The following AKT2 variants were observed in gnomAD, a reference collection of about 807,000 sequenced individuals.
The protein encoded by AKT2 is RAC-beta serine/threonine-protein kinase.
AKT2 carries 16 observed loss-of-function variants against 58.6 expected under a neutral mutation model. The observed-to-expected ratio is 0.27, with a 90% CI of 0.18 to 0.41. The LOEUF (loss-of-function observed/expected upper bound fraction) is 0.41. Ranked by LOEUF, AKT2 falls within the 10% of genes least tolerant of loss-of-function variation. AKT2 has a pLI of 1.00. For missense variants in AKT2, 438 were observed against 661.0 expected (o/e 0.66, Z 3.70); for synonymous variants, 253 against 254.0 (o/e 1.00, Z 0.04).
chr19:40,275,024 A>C, intron 1 of AKT2: 1 of 455,894 alleles, frequency 2.2e-6, no homozygotes, highest in Non-Finnish European at 4.4e-6. Flanking sequence ...TGGGCTCACC[A>C]CCTGCCTCAC....
In AKT2 at chr19:40,232,746, G is replaced by A. The variant is rs1030895516; in HGVS notation, c.*1126C>T. ...AACACACATGCACACACACCCACGT[G>A]TGCCTGCGTCCCGCCGACACACGCA... On this transcript the variant is annotated 3_prime_UTR_variant, in exon 14 of 14. Transcript: ENST00000392038. The A allele has an allele frequency of 8.6e-6, 2 of 233,492 alleles. No homozygotes were observed. The highest frequency in any genetic ancestry group is 1.2e-3 in the Middle Eastern group (1 of 810). The allele number at this position is 233,492 out of a possible 1,614,324, so 14.5% of individuals were successfully genotyped here. A position where few individuals can be genotyped will look rare whatever the true frequency, so the allele number is the denominator to read the frequency against.
Position 40,234,537 on chromosome 19 carries a change from C to A in AKT2, c.1366+508G>T. 3.2e-6 allele frequency: 1 copy of A among 310,766 alleles called. No individual in the cohort carries two copies. The highest frequency in any genetic ancestry group is 5.8e-5 in the East Asian group (1 of 17,106). The allele number at this position is 310,766 out of a possible 1,614,324, so 19.3% of individuals were successfully genotyped here. On this transcript the variant is annotated intron_variant, in intron 13 of 13. Coordinates refer to ENST00000392038, the MANE Select transcript of AKT2 (RefSeq NM_001626.6). The surrounding 1 kb of genome is among the most constrained non-coding windows in gnomAD (Gnocchi z 4.7). ...ACACGTCATTCCTCCGGCCAGCTGA[C>A]ACGTTTGCTTCCTCCTCTAGAAAGC...
intron 4 of AKT2, among the ~76,000 whole-genome samples, chr19:40,247,073 G>A (rs866589579): frequency 4.6e-5 from 7 of 152,200 alleles, no homozygotes; most frequent in African/African-American, 1.4e-4. Context: ...ACTGGGGCTC[G>A]CCTGCTGCCT....
chr19:40,241,785 G>C (rs995770528), intron 6 of AKT2, 153 bp downstream of exon 6: 3 of 1,173,474 alleles, frequency 2.6e-6, no homozygotes, highest in Non-Finnish European at 3.6e-6. Flanking sequence ...CTCCTCTCTG[G>C]GCCTCAGGCT....
chr19:40,275,937 G>A (rs1421866708), intron 1 of AKT2, among the ~76,000 whole-genome samples: 2 of 151,452 alleles, frequency 1.3e-5, no homozygotes, highest in African/African-American at 2.4e-5. Context: ...GCTTGAACCC[G>A]GGAGGCGGCG....
chr19:40,256,803 A>G, intron 3 of AKT2, 123 bp downstream of exon 3: 3 of 1,474,516 alleles, frequency 2.0e-6, no homozygotes, highest in Non-Finnish European at 2.8e-6. Context: ...GGGTGAAAAC[A>G]GATCCAAGGG....
chr19:40,262,357 C>G (rs1192478409), intron 2 of AKT2, among the ~76,000 whole-genome samples: 25 of 152,194 alleles, frequency 1.6e-4, no homozygotes, highest in Admixed American at 1.6e-3. Context: ...TTTGCCCAAC[C>G]TTCCCAGCTG....
At position 40,257,029 on chromosome 19, in the gene AKT2, T is replaced by C; in HGVS notation, c.72A>G (p.Pro24=). 1 of 1,614,176 alleles carries C rather than the reference T, an allele frequency of 6.2e-7. No individual in the cohort carries two copies. Among genetic ancestry groups the C allele is most frequent in the African/African-American group, 1.3e-5 (1 of 75,056 alleles). The change falls in exon 3 of 14, where the codon CCA becomes CCG. Residue 24 remains proline, a synonymous_variant. Coordinates refer to ENST00000392038, the MANE Select transcript of AKT2 (RefSeq NM_001626.6). ...KRGEYIKTWR[P]RYFLLKSDGS... The stretch of plus-strand genomic sequence containing the variant: ...CGTCGCTCTTCAGCAGGAAGTACCG[T>C]GGCCTCCAGGTCTTGATGTATTCAC...
At chr19:40,249,624 T>C (rs182676710) in intron 4 of AKT2, among the ~76,000 whole-genome samples, 403 of 152,316 alleles carry the variant, frequency 2.6e-3, no homozygotes, top group Non-Finnish European at 4.4e-3. Flanking sequence ...CTCCCCGACC[T>C]AGAGGGGCAT....
chr19:40,255,311 GCCCTGCTAGCCTGCAGC>G (rs765680378), intron 3 of AKT2, 42 bp from the exon 4 acceptor site: 1 of 1,536,084 alleles, frequency 6.5e-7, no homozygotes, highest in Non-Finnish European at 9.0e-7. Context: ...TGAGGGGATA[GCCCTGCTAGCCTGCAGC>G]CCAAAGTGCC....
At chr19:40,261,339 C>T (rs1446190101) in intron 2 of AKT2, among the ~76,000 whole-genome samples, 2 of 152,034 alleles carry the variant, frequency 1.3e-5, no homozygotes, top group African/African-American at 4.8e-5. Flanking sequence ...TCAAGACCAG[C>T]CTGGCCAACA....
At chr19:40,246,671 G>A (rs867104355) in intron 4 of AKT2, among the ~76,000 whole-genome samples, 1 of 152,298 alleles carries the variant, frequency 6.6e-6, no homozygotes, top group South Asian at 2.1e-4. Context: ...CAAAGACAGG[G>A]GTGGAGAGAA....
In AKT2 at chr19:40,261,856, A is replaced by G. The variant is rs1975984821; in HGVS notation, c.46+3366T>C. Reference sequence around the variant, plus strand: ...ATTGTGATATACTAAAGGCCAATGAATCATACACTTCAAAATGGTTAATCT... The same window carrying G: ...ATTGTGATATACTAAAGGCCAATGAGTCATACACTTCAAAATGGTTAATCT... On this transcript the variant is annotated intron_variant, in intron 2 of 13. Coordinates refer to ENST00000392038, the MANE Select transcript of AKT2 (RefSeq NM_001626.6). 2.0e-5 allele frequency among the ~76,000 whole-genome samples: 3 copies of G among 152,150 alleles called. No homozygotes were observed. In the South Asian group the frequency reaches 6.2e-4, roughly 32 times the overall value.
chr19:40,236,409 C>G lies in AKT2; in HGVS notation c.832-24G>C, dbSNP rs1033464116. On this transcript the variant is annotated intron_variant, in intron 9 of 13. Coordinates refer to ENST00000392038, the MANE Select transcript of AKT2 (RefSeq NM_001626.6). ...AGCTGTTGGAAAAGTCAACGGATCT[C>G]AGGTGCATGCTCCCAAGGCTTCCTG... 3.1e-6 allele frequency: 5 copies of G among 1,614,014 alleles called. 1 individual carries two copies. The South Asian group carries it at 4.4e-5, about 14-fold the overall frequency.
chr19:40,246,451 T>C (rs1223317381), intron 4 of AKT2, among the ~76,000 whole-genome samples: 5 of 152,170 alleles, frequency 3.3e-5, no homozygotes, highest in African/African-American at 1.2e-4. Flanking sequence ...TCAGACATAG[T>C]TGTCCTCTCA....
intron 1 of AKT2, 32 bp from the exon 2 acceptor site, chr19:40,265,383 G>A (rs1976275390): frequency 6.5e-7 from 1 of 1,537,962 alleles, no homozygotes; most frequent in African/African-American, 1.4e-5. Context: ...GGTCAGGGCG[G>A]GAGGGGATTC....
Position 40,237,672 on chromosome 19 carries a change from G to T in AKT2, c.831+297C>A, listed in dbSNP as rs1428341638. On this transcript the variant is annotated intron_variant, in intron 9 of 13. Transcript: ENST00000392038. This position sits in a 1 kb window ranked among gnomAD's most constrained non-coding sequence, Gnocchi z 4.5. ...AATAAATACAAATAAAGTAGGTATTGTGGCAGTTGACACTCCGCTAGTGGC... is the reference window on the plus strand; with the variant it reads ...AATAAATACAAATAAAGTAGGTATTTTGGCAGTTGACACTCCGCTAGTGGC... 5.0e-6 allele frequency: 2 copies of T among 398,490 alleles called. No individual in the cohort carries two copies. Among genetic ancestry groups the T allele is most frequent in the Non-Finnish European group, 9.4e-6 (2 of 211,786 alleles). 24.7% of individuals were successfully genotyped at this position (398,490 alleles called of 1,614,324 possible). A position where few individuals can be genotyped will look rare whatever the true frequency, so the allele number is the denominator to read the frequency against.
rs1973749674 is a variant in AKT2 at position 40,232,452 on chromosome 19, CACCCGAACCA to C, written c.*1410_*1419del. ...CACACAGAGGAAAAAGACCCTCACC[CACCCGAACCA>C]ACCCCACCCCTCCCCACCCTGCCAT... is the stretch of plus-strand genomic sequence containing the variant. On this transcript the variant is annotated 3_prime_UTR_variant, in exon 14 of 14. Coordinates refer to ENST00000392038, the MANE Select transcript of AKT2 (RefSeq NM_001626.6). 4.3e-6 allele frequency: 1 copy of C among 233,592 alleles called. No homozygotes were observed. Among genetic ancestry groups the C allele is most frequent in the Admixed American group, 5.6e-5 (1 of 17,780 alleles). The allele number at this position is 233,592 out of a possible 1,614,324, so 14.5% of individuals were successfully genotyped here.
In AKT2 at chr19:40,282,119, C is replaced by G. The variant is rs74585567; in HGVS notation, c.-85+3062G>C. On this transcript the variant is annotated intron_variant, in intron 1 of 13. Transcript: ENST00000392038. ...ATCCTAGCTGGGCCAGGCTGGGGAG[C>G]TGGATCCCGGAATGCTCGAGGGGAC... is the stretch of plus-strand genomic sequence containing the variant. 28 of 198,540 alleles carry G rather than the reference C, an allele frequency of 1.4e-4. No homozygotes were observed. In the East Asian group the frequency reaches 4.7e-3, roughly 33 times the overall value. 12.3% of individuals were successfully genotyped at this position (198,540 alleles called of 1,614,324 possible).
Sources: allele counts gnomAD v4.1 joint callset (sites outside exome capture counted in the v4.1 genomes callset), GRCh38; gene constraint gnomAD v4.1.1; non-coding constraint Gnocchi (gnomAD v3.1); transcripts MANE v1.5; gene names NCBI Gene and HGNC (gene_info 2026-07-23, HGNC 2026-07-21).